Variants in LAMA2 observed in about 807,000 individuals in gnomAD.
The protein encoded by LAMA2 is laminin subunit alpha-2.
In LAMA2, 269 loss-of-function variants were observed where a neutral mutation model predicts 364.8. The ratio of observed to expected loss-of-function variants is 0.74; its 90% CI spans 0.67 to 0.82. LAMA2 has a LOEUF of 0.82. LAMA2 is among the 40% of genes least tolerant of loss of function. The pLI is 0.00. For missense variants in LAMA2, 3,807 were observed against 3,873.2 expected, an observed-to-expected ratio of 0.98 and a Z score of 0.45; for synonymous variants, 1,379 against 1,370.6, an observed-to-expected ratio of 1.01 and a Z score of -0.14.
intron 12 of LAMA2, among the ~76,000 whole-genome samples, chr6:129,241,146 A>G (rs1785372248): frequency 6.6e-6 from 1 of 152,212 alleles, no homozygotes; most frequent in African/African-American, 2.4e-5. Context: ...AATTTATCCC[A>G]GTTTTTTATG....
intron 9 of LAMA2, among the ~76,000 whole-genome samples, chr6:129,168,959 C>G (rs1443265402): frequency 6.6e-6 from 1 of 151,846 alleles, no homozygotes; most frequent in African/African-American, 2.4e-5. Flanking sequence ...TGATTTGGCT[C>G]TCTGTTTGTT....
Position 129,465,196 on chromosome 6 carries a change from G to A in LAMA2, c.7207G>A (p.Asp2403Asn), listed in dbSNP as rs141476898. ...TGATGGGCACATAAAAGTCAGTTAC[G>A]ATCTGGGCTCAGGAATGGCTTCCGT... ...LTDGHIKVSY[D>N]LGSGMASVVS... The change falls in exon 51 of 65, where the codon GAT (aspartate) becomes AAT (asparagine). Residue 2403 changes from aspartate to asparagine, a missense_variant. This residue lies in a region of LAMA2 where 3,333 missense variants were observed against 3,345.7 expected (regional missense o/e 1.00). Transcript: ENST00000421865. The A allele has an allele frequency of 3.2e-5, 51 of 1,611,122 alleles. No homozygotes were observed. The highest frequency in any genetic ancestry group is 1.5e-4 in the African/African-American group (11 of 74,886).
chr6:129,210,003 C>CAAAAAAAAAAAAAAAAAAAAA (rs374127279), intron 12 of LAMA2, among the ~76,000 whole-genome samples: 8 of 67,656 alleles, frequency 1.2e-4, no homozygotes, highest in Non-Finnish European at 1.8e-4. Flanking sequence ...GACTCCATCT[C>CAAAAAAAAAAAAAAAAAAAAA]AAAAAAAAAA....
At chr6:129,475,532 G>A (rs1037627842) in intron 53 of LAMA2, 131 bp downstream of exon 53, 49 of 646,684 alleles carry the variant, frequency 7.6e-5, no homozygotes, top group Middle Eastern at 2.5e-4. Context: ...TCACGAGCAA[G>A]CCGTGCATTC....
rs368403128 is a variant in LAMA2, at chr6:129,280,163, A to G, written c.2537+16A>G. Reference sequence around the variant, plus strand: ...GCTGTGAGAGGTAAGAGTATACTACACTGTCTTGCAAAATGATTTCTACCT... The same window carrying G: ...GCTGTGAGAGGTAAGAGTATACTACGCTGTCTTGCAAAATGATTTCTACCT... On this transcript the variant is annotated intron_variant, in intron 18 of 64. Transcript: ENST00000421865. The G allele has an allele frequency of 1.4e-5, 21 of 1,488,060 alleles. No individual in the cohort carries two copies. The African/African-American group carries it at 2.5e-4, about 18-fold the overall frequency. The allele number at this position is 1,488,060 out of a possible 1,614,324, so 92.2% of individuals were successfully genotyped here.
intron 3 of LAMA2, among the ~76,000 whole-genome samples, chr6:129,067,991 T>G (rs1277580146): frequency 6.6e-6 from 1 of 152,230 alleles, no homozygotes; most frequent in Non-Finnish European, 1.5e-5. Context: ...ACTTACTATG[T>G]ACATGTTACT....
intron 1 of LAMA2, among the ~76,000 whole-genome samples, chr6:128,914,866 G>A (rs1036377206): frequency 6.6e-6 from 1 of 152,104 alleles, no homozygotes; most frequent in Non-Finnish European, 1.5e-5. Flanking sequence ...TTTAAAATGT[G>A]TTCTTAAATT....
intron 1 of LAMA2, among the ~76,000 whole-genome samples, chr6:129,035,970 C>T (rs933980808): frequency 2.6e-5 from 4 of 152,032 alleles, no homozygotes; most frequent in Admixed American, 1.3e-4. Flanking sequence ...TATTTGGGCT[C>T]CTTTTTGTTT....
At chr6:129,065,619 A>G (rs1202126077) in intron 3 of LAMA2, among the ~76,000 whole-genome samples, 1 of 152,190 alleles carries the variant, frequency 6.6e-6, no homozygotes, top group Middle Eastern at 3.2e-3. Flanking sequence ...ACGAGGAACT[A>G]TCTTTAAAAA....
Position 129,245,190 on chromosome 6 carries a change from A to C in LAMA2, c.1783-4922A>C, listed in dbSNP as rs116370573. 3.2e-3 allele frequency among the ~76,000 whole-genome samples: 485 copies of C among 152,278 alleles called. 4 individuals are homozygous for C. Among genetic ancestry groups the C allele is most frequent in the African/African-American group, 0.011 (475 of 41,590 alleles). ...AAAGGCCAAGCCTTTGGAGACCCTTATGAAATGGAATGAACCGCTCTCACT... is the reference window on the plus strand; with the variant it reads ...AAAGGCCAAGCCTTTGGAGACCCTTCTGAAATGGAATGAACCGCTCTCACT... On this transcript the variant is annotated intron_variant, in intron 12 of 64. Transcript: ENST00000421865.
chr6:129,338,694 T>G (rs1027937121), intron 29 of LAMA2, among the ~76,000 whole-genome samples: 2 of 152,088 alleles, frequency 1.3e-5, no homozygotes, highest in Non-Finnish European at 2.9e-5. Flanking sequence ...ATGCCTCCCA[T>G]GTTTGATGAA....
At chr6:129,081,160 G>A (rs544467396) in intron 3 of LAMA2, among the ~76,000 whole-genome samples, 104 of 151,758 alleles carry the variant, frequency 6.9e-4, no homozygotes, top group African/African-American at 2.3e-3. Context: ...ACCAAACACC[G>A]CATGTTCTCA....
intron 12 of LAMA2, among the ~76,000 whole-genome samples, chr6:129,206,338 G>T (rs1782675670): frequency 6.6e-6 from 1 of 152,142 alleles, no homozygotes; most frequent in Non-Finnish European, 1.5e-5. Flanking sequence ...CTCTGTTCTA[G>T]TGCCCCACTC....
intron 52 of LAMA2, among the ~76,000 whole-genome samples, 173 bp from the exon 53 acceptor site, chr6:129,475,217 A>G (rs549742441): frequency 2.0e-5 from 3 of 152,074 alleles, no homozygotes; most frequent in South Asian, 2.1e-4. Context: ...CGTCAAGGGT[A>G]TAAGTCTATT....
chr6:129,064,107 T>C (rs1789123416), intron 3 of LAMA2, among the ~76,000 whole-genome samples: 1 of 152,068 alleles, frequency 6.6e-6, no homozygotes, highest in East Asian at 1.9e-4. Context: ...GATTAAAGGA[T>C]GTGTTGTACA....
chr6:129,271,297 A>G (rs1031348772), intron 17 of LAMA2, among the ~76,000 whole-genome samples: 51 of 152,054 alleles, frequency 3.4e-4, no homozygotes, highest in African/African-American at 1.2e-3. Flanking sequence ...GCAGATTTAA[A>G]AAAACAAACA....
At chr6:129,017,061 C>A (rs565078636) in intron 1 of LAMA2, among the ~76,000 whole-genome samples, 1 of 151,972 alleles carries the variant, frequency 6.6e-6, no homozygotes. Context: ...ACAACTACAT[C>A]TAGACTTCTG....
intron 4 of LAMA2, among the ~76,000 whole-genome samples, chr6:129,103,706 A>T (rs1392278539): frequency 6.6e-6 from 1 of 152,098 alleles, no homozygotes; most frequent in Non-Finnish European, 1.5e-5. Flanking sequence ...ACAGTTTCTC[A>T]TTGCATCAAT....
chr6:129,190,340 G>A lies in LAMA2; in HGVS notation c.1603G>A (p.Gly535Ser), dbSNP rs1781459701. The A allele has an allele frequency of 6.2e-7, 1 of 1,613,046 alleles. No individual in the cohort carries two copies. Among genetic ancestry groups the A allele is most frequent in the Non-Finnish European group, 8.5e-7 (1 of 1,179,284 alleles). Residue 535 changes from glycine to serine, a missense_variant, in exon 11 of 65, where the codon GGC becomes AGC. Transcript: ENST00000421865. ...ATGTCAGAGTTCCTACTGGACCTAT[G>A]GCAAAGTAAGCAAGCACCATTTGGT... Reference protein sequence around the residue: ...NRCQSSYWTYGKIQDMSGWYL... With the variant: ...NRCQSSYWTYSKIQDMSGWYL...
Sources: allele counts gnomAD v4.1 joint callset (sites outside exome capture counted in the v4.1 genomes callset), GRCh38; gene constraint gnomAD v4.1.1; regional missense constraint gnomAD v4.1.1; transcripts MANE v1.5; gene names NCBI Gene and HGNC (gene_info 2026-07-23, HGNC 2026-07-21).